CAMSAP3: variants seen among roughly 807,000 people sequenced by gnomAD.
The protein encoded by CAMSAP3 is calmodulin-regulated spectrin-associated protein 3.
Under a neutral mutation model 112.5 loss-of-function variants are expected in CAMSAP3, and 34 were observed. The ratio of observed to expected loss-of-function variants is 0.30; its 90% CI spans 0.23 to 0.40. The LOEUF is 0.40. Among genes scored for constraint, CAMSAP3 ranks in the 10% least tolerant of loss-of-function variants. The probability of loss-of-function intolerance (pLI) is 1.00; values close to 1 mark genes in which losing one functional copy is unlikely to be tolerated. For missense variants in CAMSAP3, 1,602 were observed against 1,770.3 expected, an observed-to-expected ratio of 0.90 and a Z score of 1.71; for synonymous variants, 868 against 799.8, an observed-to-expected ratio of 1.09 and a Z score of -1.44.
At chr19:7,603,149 C>T (rs931097789) in intron 1 of CAMSAP3, among the ~76,000 whole-genome samples, 4 of 151,870 alleles carry the variant, frequency 2.6e-5, no homozygotes, top group Non-Finnish European at 1.5e-5. Context: ...GGAGAAGTCC[C>T]GTTCAAATAT....
Position 7,611,800 on chromosome 19 carries a change from G to T in CAMSAP3, c.1307G>T (p.Gly436Val). ...LLRSVSSDSL[G>V]PPRPAPARTP... ...CGCTCTGTGAGCTCGGACAGCCTGG[G>T]CCCCCCGCGTCCCGCGCCGGCCAGG... The change falls in exon 11 of 17, where the codon GGC becomes GTC. Residue 436 changes from glycine to valine, a missense_variant. Around this residue, in one of 6 missense-constraint regions of CAMSAP3, gnomAD observed 1,100 missense variants for 1,135.7 expected, o/e 0.97. Transcript: ENST00000160298. This position sits in a 1 kb window ranked among gnomAD's most constrained non-coding sequence, Gnocchi z 6.9. 1 of 1,596,200 alleles carries T rather than the reference G, an allele frequency of 6.3e-7. No individual in the cohort carries two copies. The highest frequency in any genetic ancestry group is 8.5e-7 in the Non-Finnish European group (1 of 1,172,072).
Position 7,610,486 on chromosome 19 carries a change from G to T in CAMSAP3, c.771G>T (p.Leu257Phe). The part of the protein sequence containing the change: ...PQLLRLEEVC[L>F]KDPMSVADSL... The stretch of plus-strand genomic sequence containing the variant: ...CTCCTGTCCCCACAGAGGTGTGCTT[G>T]AAGGACCCCATGTCTGTGGCGGACA... Residue 257 changes from leucine to phenylalanine, a missense_variant, in exon 6 of 17, where the codon TTG becomes TTT. Physicochemically the swap from Leu to Phe is conservative, Grantham distance 22 (BLOSUM62 0). Transcript: ENST00000160298. This position sits in a 1 kb window ranked among gnomAD's most constrained non-coding sequence, Gnocchi z 4.9. 1 of 1,612,318 alleles carries T rather than the reference G, an allele frequency of 6.2e-7. No individual in the cohort carries two copies.
intron 1 of CAMSAP3, among the ~76,000 whole-genome samples, chr19:7,596,972 G>A (rs1317181358): frequency 6.6e-6 from 1 of 152,154 alleles, no homozygotes; most frequent in Non-Finnish European, 1.5e-5. Context: ...CCGGGTCCCC[G>A]GGATTAGAGG....
chr19:7,604,231 C>G (rs2030095295), intron 1 of CAMSAP3, among the ~76,000 whole-genome samples: 1 of 152,084 alleles, frequency 6.6e-6, no homozygotes, highest in Admixed American at 6.5e-5. Flanking sequence ...CCAAGCCTTC[C>G]TGGCCTTCTC....
In CAMSAP3 at chr19:7,615,687, C is replaced by T; in HGVS notation, c.3080C>T (p.Ala1027Val). ...CGCTCGGGTTGCTGTGACGACTCAG[C>T]CCTGGCACGAAGCCCAGCCCGCGGC... ...RPRSGCCDDSALARSPARGLL... is the reference protein window; with the variant it reads ...RPRSGCCDDSVLARSPARGLL... Residue 1027 changes from alanine to valine, a missense_variant, in exon 13 of 17, where the codon GCC becomes GTC. Coordinates refer to ENST00000160298, the MANE Select transcript of CAMSAP3 (RefSeq NM_020902.2). This position sits in a 1 kb window ranked among gnomAD's most constrained non-coding sequence, Gnocchi z 6.5. 1 of 1,417,454 alleles carries T rather than the reference C, an allele frequency of 7.1e-7. No individual in the cohort carries two copies. The highest frequency in any genetic ancestry group is 9.2e-7 in the Non-Finnish European group (1 of 1,091,644). The allele number at this position is 1,417,454 out of a possible 1,614,324, so 87.8% of individuals were successfully genotyped here.
chr19:7,608,965 A>C (rs2146167150), intron 5 of CAMSAP3, among the ~76,000 whole-genome samples: 1 of 152,210 alleles, frequency 6.6e-6, no homozygotes, highest in East Asian at 1.9e-4. Context: ...GGGTAGTCCT[A>C]AAGGCAATGG....
In CAMSAP3 at chr19:7,608,997, T is replaced by TA. The variant is rs1031711689; in HGVS notation, c.760+740dup. Among the ~76,000 whole-genome samples the TA allele has an allele frequency of 2.6e-5, 4 of 151,806 alleles. 1 individual carries two copies. Among genetic ancestry groups the TA allele is most frequent in the South Asian group, 4.2e-4 (2 of 4,812 alleles). On this transcript the variant is annotated intron_variant, in intron 5 of 16. Transcript: ENST00000160298. ...ATGGGTGGTCAGAAAAAGCTTTTTT[T>TA]AAAAAAACTCTTTTTTCTTTTTTAT...
Position 7,615,759 on chromosome 19 carries a change from T to G in CAMSAP3, c.3112+40T>G. ...GGGACGGGGCCTGCCCAGTGCCCTT[T>G]CCGGGGCTCACTGGGTGAGGCCCCC... On this transcript the variant is annotated intron_variant, in intron 13 of 16. Transcript: ENST00000160298. This position sits in a 1 kb window ranked among gnomAD's most constrained non-coding sequence, Gnocchi z 6.5. The G allele has an allele frequency of 9.3e-7, 1 of 1,071,640 alleles. No homozygotes were observed. The highest frequency in any genetic ancestry group is 1.0e-4 in the East Asian group (1 of 9,864). The allele number at this position is 1,071,640 out of a possible 1,614,324, so 66.4% of individuals were successfully genotyped here.
At position 7,612,273 on chromosome 19, in the gene CAMSAP3, G is replaced by A. The variant is rs780265160; in HGVS notation, c.1780G>A (p.Glu594Lys). The change falls in exon 11 of 17, where the codon GAG (glutamate) becomes AAG (lysine). Residue 594 changes from glutamate (E) to lysine (K), a missense_variant. Glu to Lys is a moderately conservative substitution (Grantham distance 56). Coordinates refer to ENST00000160298, the MANE Select transcript of CAMSAP3 (RefSeq NM_020902.2). ...CCCCACGTCCACTCCGGCCCCGCCG[G>A]AGGCCCTGAGCTCGGAGATGAGTGA... Reference protein sequence around the residue: ...GSPTSTPAPPEALSSEMSELS... With the variant: ...GSPTSTPAPPKALSSEMSELS... 3 of 1,597,820 alleles carry A rather than the reference G, an allele frequency of 1.9e-6. No homozygotes were observed. The highest frequency in any genetic ancestry group is 2.2e-5 in the South Asian group (2 of 89,346).
chr19:7,617,588 T>C lies in CAMSAP3; in HGVS notation c.3371T>C (p.Ile1124Thr). ...CCCAGCGCCAAGTCCAACAAGTTCA[T>C]CATCCACAATGCCCTATCACACTGC... ...KEPSAKSNKF[I>T]IHNALSHCCL... is the part of the protein sequence containing the mutation. Residue 1124 changes from isoleucine to threonine, a missense_variant, in exon 16 of 17, where the codon ATC becomes ACC. This residue lies in a region of CAMSAP3 where 150 missense variants were observed against 207.6 expected (regional missense o/e 0.72). Coordinates refer to ENST00000160298, the MANE Select transcript of CAMSAP3 (RefSeq NM_020902.2). The surrounding 1 kb of genome is among the most constrained non-coding windows in gnomAD (Gnocchi z 7.5). 1 of 1,614,118 alleles carries C rather than the reference T, an allele frequency of 6.2e-7. No individual in the cohort carries two copies. Among genetic ancestry groups the C allele is most frequent in the Non-Finnish European group, 8.5e-7 (1 of 1,180,012 alleles).
Position 7,595,958 on chromosome 19 carries a change from G to T in CAMSAP3, c.-45G>T, listed in dbSNP as rs763528623. On this transcript the variant is annotated 5_prime_UTR_variant, in exon 1 of 17. Transcript: ENST00000160298. ...CGCGAGCGCGGCGCAGCCCAGCCCA[G>T]CCCAGTCCGAGCGCGGACCCGGCGC... 202 of 997,974 alleles carry T rather than the reference G, an allele frequency of 2.0e-4. No homozygotes were observed. In the African/African-American group the frequency reaches 3.4e-3, roughly 17 times the overall value. The allele number at this position is 997,974 out of a possible 1,614,324, so 61.8% of individuals were successfully genotyped here.
chr19:7,614,539 G>T (rs952569216), intron 11 of CAMSAP3: 4 of 151,838 alleles, frequency 2.6e-5, no homozygotes, highest in African/African-American at 7.3e-5. Context: ...TAGAGACAGG[G>T]TTTCTCCAGG....
At position 7,607,689 on chromosome 19, in the gene CAMSAP3, G is replaced by C. The variant is rs551334370; in HGVS notation, c.622-437G>C. The C allele has an allele frequency of 2.3e-5, 9 of 385,750 alleles. No homozygotes were observed. In the South Asian group the frequency reaches 4.3e-4, roughly 18 times the overall value. The allele number at this position is 385,750 out of a possible 1,614,324, so 23.9% of individuals were successfully genotyped here. On this transcript the variant is annotated intron_variant, in intron 4 of 16. Transcript: ENST00000160298. This position sits in a 1 kb window ranked among gnomAD's most constrained non-coding sequence, Gnocchi z 4.9. ...GAGCTGGGGTTCGCGAAGCCGGCCA[G>C]AGCAGTCAGGGAGCTGGACGGCCGG...
chr19:7,596,376 G>A (rs1462370113), intron 1 of CAMSAP3, among the ~76,000 whole-genome samples: 1 of 151,318 alleles, frequency 6.6e-6, no homozygotes, highest in African/African-American at 2.4e-5. Flanking sequence ...GTGGGGGTGG[G>A]GCCCGCGGCC....
rs1464856114 is a variant in CAMSAP3, at chr19:7,595,921, G to A, written c.-82G>A. ...GCGGCAGCGGCGGTAGCAGCAGCGG[G>A]CCCGGCTGGGGCGCGAGCGCGGCGC... is the stretch of plus-strand genomic sequence containing the variant. On this transcript the variant is annotated 5_prime_UTR_variant, in exon 1 of 17. Transcript: ENST00000160298. 1 of 667,166 alleles carries A rather than the reference G, an allele frequency of 1.5e-6. No homozygotes were observed. Among genetic ancestry groups the A allele is most frequent in the Non-Finnish European group, 1.8e-6 (1 of 540,706 alleles). 41.3% of individuals were successfully genotyped at this position (667,166 alleles called of 1,614,324 possible). A position where few individuals can be genotyped will look rare whatever the true frequency, so the allele number is the denominator to read the frequency against.
In CAMSAP3 at chr19:7,611,009, C is replaced by T; in HGVS notation, c.1049+78C>T. 1.0e-5 allele frequency: 16 copies of T among 1,589,990 alleles called. No homozygotes were observed. The South Asian group carries it at 1.7e-4, about 17-fold the overall frequency. ...GTCTGCCTTGCTGAGCACTGGGACG[C>T]AGCTGGGTGATGCTGTTGTCTCCCC... On this transcript the variant is annotated intron_variant, in intron 8 of 16. Transcript: ENST00000160298. This position sits in a 1 kb window ranked among gnomAD's most constrained non-coding sequence, Gnocchi z 6.9.
At position 7,596,856 on chromosome 19, in the gene CAMSAP3, C is replaced by T. The variant is rs552562982; in HGVS notation, c.148+706C>T. On this transcript the variant is annotated intron_variant, in intron 1 of 16. Coordinates refer to ENST00000160298, the MANE Select transcript of CAMSAP3 (RefSeq NM_020902.2). ...ATCGCCTGGGGTGGGCCCCCCGCTCCTCCCGGCTGCGGGGCCTTCTCCCAT... is the reference window on the plus strand; with the variant it reads ...ATCGCCTGGGGTGGGCCCCCCGCTCTTCCCGGCTGCGGGGCCTTCTCCCAT... 2.6e-5 allele frequency among the ~76,000 whole-genome samples: 4 copies of T among 152,314 alleles called. No homozygotes were observed. The South Asian group carries it at 8.3e-4, about 32-fold the overall frequency.
In CAMSAP3 at chr19:7,613,043, C is replaced by T. The variant is rs747058740; in HGVS notation, c.2550C>T (p.Ser850=). The T allele has an allele frequency of 1.1e-5, 17 of 1,551,726 alleles. No individual in the cohort carries two copies. Among genetic ancestry groups the T allele is most frequent in the Non-Finnish European group, 1.4e-5 (16 of 1,148,944 alleles). Reference sequence around the variant, plus strand: ...GCCTCATCGAGATCCCGCTGGGCAGCCTGGCAGATCCCGCCGCCGAGGACG... The same window carrying T: ...GCCTCATCGAGATCCCGCTGGGCAGTCTGGCAGATCCCGCCGCCGAGGACG... ...RPGLIEIPLG[S]LADPAAEDEG... Residue 850 remains serine, a synonymous_variant, in exon 11 of 17, where the codon AGC becomes AGT. Transcript: ENST00000160298.
chr19:7,599,625 AC>A (rs1279814512), intron 1 of CAMSAP3, among the ~76,000 whole-genome samples: 1 of 19,904 alleles, frequency 5.0e-5, no homozygotes, highest in Non-Finnish European at 9.3e-5. Context: ...CCATCCACCC[AC>A]CCCACTCATC....
Sources: allele counts gnomAD v4.1 joint callset (sites outside exome capture counted in the v4.1 genomes callset), GRCh38; gene constraint gnomAD v4.1.1; regional missense constraint gnomAD v4.1.1; non-coding constraint Gnocchi (gnomAD v3.1); transcripts MANE v1.5; gene names NCBI Gene and HGNC (gene_info 2026-07-23, HGNC 2026-07-21).